The following CDH18 variants were observed in gnomAD, a reference collection of about 807,000 sequenced individuals.
CDH18 encodes the protein cadherin-18.
In CDH18, 31 loss-of-function variants were observed where a neutral mutation model predicts 67.9. That is an observed-to-expected ratio of 0.46 (90% CI 0.34 to 0.62). The LOEUF is 0.62. Ranked by LOEUF, CDH18 falls within the 20% of genes least tolerant of loss-of-function variation. CDH18 has a pLI of 0.01. For missense variants in CDH18, 890 were observed against 975.5 expected, an observed-to-expected ratio of 0.91 and a Z score of 1.17; for synonymous variants, 362 against 347.2, an observed-to-expected ratio of 1.04 and a Z score of -0.48.
chr5:20,050,060 T>A (rs543247900), intron 2 of CDH18, among the ~76,000 whole-genome samples: 1 of 151,446 alleles, frequency 6.6e-6, no homozygotes, highest in East Asian at 2.0e-4. Context: ...CAATAAATAA[T>A]GAATAAAGTT....
chr5:20,498,952 A>T (rs1161392608), intron 1 of CDH18, among the ~76,000 whole-genome samples: 1 of 152,080 alleles, frequency 6.6e-6, no homozygotes, highest in African/African-American at 2.4e-5. Flanking sequence ...AAGCTTTTGT[A>T]TTGAGCTTGT....
Position 19,742,804 on chromosome 5 carries a change from G to T in CDH18, c.523+4138C>A, listed in dbSNP as rs541705056. 2.0e-5 allele frequency among the ~76,000 whole-genome samples: 3 copies of T among 151,946 alleles called. No individual in the cohort carries two copies. In the East Asian group the frequency reaches 5.8e-4, roughly 29 times the overall value. On this transcript the variant is annotated intron_variant, in intron 4 of 12. Coordinates refer to ENST00000382275, the MANE Select transcript of CDH18 (RefSeq NM_004934.5). Reference sequence around the variant, plus strand: ...ATATAAGGAGAGAGATTGTTTTAATGATTCAAAACTGAATTAATGAGTATA... The same window carrying T: ...ATATAAGGAGAGAGATTGTTTTAATTATTCAAAACTGAATTAATGAGTATA...
At chr5:20,202,981 A>T (rs982787427) in intron 2 of CDH18, among the ~76,000 whole-genome samples, 2 of 152,168 alleles carry the variant, frequency 1.3e-5, no homozygotes, top group African/African-American at 2.4e-5. Context: ...GAACTCAAAT[A>T]TGAGGATGAG....
chr5:19,994,257 A>G (rs1800149558), intron 2 of CDH18, among the ~76,000 whole-genome samples: 1 of 148,146 alleles, frequency 6.8e-6, no homozygotes, highest in Non-Finnish European at 1.5e-5. Flanking sequence ...ATACACATAT[A>G]TACACATATA....
rs921836538 is a variant in CDH18, at chr5:19,732,677, A to G, written c.524-11211T>C. On this transcript the variant is annotated intron_variant, in intron 4 of 12. Coordinates refer to ENST00000382275, the MANE Select transcript of CDH18 (RefSeq NM_004934.5). Reference sequence around the variant, plus strand: ...TTCTTAAACAGTTATCTCTCTTGTAAAGTTTAATTGCTCCCACCTAAGATT... The same window carrying G: ...TTCTTAAACAGTTATCTCTCTTGTAGAGTTTAATTGCTCCCACCTAAGATT... Among the ~76,000 whole-genome samples, 5 of 152,112 alleles carry G rather than the reference A, an allele frequency of 3.3e-5. 1 individual carries two copies. The South Asian group carries it at 6.2e-4, about 19-fold the overall frequency.
At chr5:19,622,416 T>G (rs965456311) in intron 5 of CDH18, among the ~76,000 whole-genome samples, 1 of 152,188 alleles carries the variant, frequency 6.6e-6, no homozygotes, top group African/African-American at 2.4e-5. Context: ...CGCTACCATT[T>G]AGAGAAAATG....
At chr5:19,553,418 T>TA (rs201479934) in intron 8 of CDH18, among the ~76,000 whole-genome samples, 3 of 151,252 alleles carry the variant, frequency 2.0e-5, no homozygotes, top group Admixed American at 6.6e-5. Context: ...ATAATAAAAT[T>TA]AAAAAAATAA....
rs62352223 is a variant in CDH18 at position 19,921,329 on chromosome 5, C to T, written c.-257+59731G>A. Among the ~76,000 whole-genome samples, 104 of 151,692 alleles carry T rather than the reference C, an allele frequency of 6.9e-4. No homozygotes were observed. In the South Asian group the frequency reaches 0.019, roughly 28 times the overall value. ...GGCGGATCACGAGGTCAGGAGATTG[C>T]GACTATCCTGGCTAACACAGTGAAA... On this transcript the variant is annotated intron_variant, in intron 2 of 12. Transcript: ENST00000382275.
chr5:20,435,831 A>G (rs180853049), intron 1 of CDH18, among the ~76,000 whole-genome samples: 264 of 152,214 alleles, frequency 1.7e-3, no homozygotes, highest in Non-Finnish European at 3.1e-3. Context: ...AAGATATCAA[A>G]GGTAAAATCA....
rs1190366173 is a variant in CDH18, at chr5:19,894,854, C to T, written c.-256-55612G>A. Among the ~76,000 whole-genome samples the T allele has an allele frequency of 2.0e-5, 3 of 152,102 alleles. No homozygotes were observed. In the East Asian group the frequency reaches 5.8e-4, roughly 29 times the overall value. ...TATGTCACACTTGCCTGAAGAATTTCTTAGGGTCTCAAGAAGAATGATGAG... is the reference window on the plus strand; with the variant it reads ...TATGTCACACTTGCCTGAAGAATTTTTTAGGGTCTCAAGAAGAATGATGAG... On this transcript the variant is annotated intron_variant, in intron 2 of 12. Coordinates refer to ENST00000382275, the MANE Select transcript of CDH18 (RefSeq NM_004934.5).
At chr5:20,053,163 A>G (rs995505383) in intron 2 of CDH18, among the ~76,000 whole-genome samples, 1 of 151,900 alleles carries the variant, frequency 6.6e-6, no homozygotes, top group African/African-American at 2.4e-5. Context: ...GTTAACACAA[A>G]ATTTCTGAAA....
chr5:20,056,784 C>G (rs1442473054), intron 2 of CDH18, among the ~76,000 whole-genome samples: 10 of 147,080 alleles, frequency 6.8e-5, no homozygotes, highest in Admixed American at 2.1e-4. Flanking sequence ...CCCGGGTTCA[C>G]GCCATTCTCC....
intron 3 of CDH18, among the ~76,000 whole-genome samples, chr5:19,800,451 A>G (rs1420442375): frequency 6.6e-6 from 1 of 152,140 alleles, no homozygotes; most frequent in African/African-American, 2.4e-5. Context: ...AGGGAACTCA[A>G]ATTCTCCTCA....
Position 19,483,358 on chromosome 5 carries a change from C to G in CDH18, c.1825G>C (p.Ala609Pro), listed in dbSNP as rs1163628623. ...TCHAEAFLSS[A>P]GLSTGALIAI... ...ATTAAGGCTCCTGTACTCAAACCAGCCGAGGACAGGAAGGCTTCTGCATGG... is the reference window on the plus strand; with the variant it reads ...ATTAAGGCTCCTGTACTCAAACCAGGCGAGGACAGGAAGGCTTCTGCATGG... The change falls in exon 12 of 13, where the codon GCT becomes CCT. Residue 609 changes from alanine to proline, a missense_variant. By Grantham distance (27) the Ala-to-Pro change is conservative. This residue lies in a region of CDH18 where 656 missense variants were observed against 668.1 expected (regional missense o/e 0.98). Coordinates refer to ENST00000382275, the MANE Select transcript of CDH18 (RefSeq NM_004934.5). The G allele has an allele frequency of 6.2e-7, 1 of 1,614,004 alleles. No individual in the cohort carries two copies. Among genetic ancestry groups the G allele is most frequent in the African/African-American group, 1.3e-5 (1 of 75,012 alleles).
At chr5:20,266,002 C>A (rs926570020) in intron 1 of CDH18, among the ~76,000 whole-genome samples, 4 of 152,188 alleles carry the variant, frequency 2.6e-5, no homozygotes, top group African/African-American at 7.2e-5. Context: ...TCTGCTTGAG[C>A]TGGGACATCC....
chr5:19,609,007 A>C (rs1489682144), intron 6 of CDH18, among the ~76,000 whole-genome samples: 1 of 151,988 alleles, frequency 6.6e-6, no homozygotes, highest in Admixed American at 6.6e-5. Flanking sequence ...TTATATGCAT[A>C]TGGTTTGTGC....
chr5:19,680,052 A>G (rs1403468788), intron 5 of CDH18, among the ~76,000 whole-genome samples: 1 of 152,108 alleles, frequency 6.6e-6, no homozygotes, highest in African/African-American at 2.4e-5. Flanking sequence ...CTAAAAGGAT[A>G]AAGTAACCAA....
chr5:20,274,166 G>A (rs373408337), intron 1 of CDH18, among the ~76,000 whole-genome samples: 2 of 152,282 alleles, frequency 1.3e-5, no homozygotes, highest in East Asian at 3.9e-4. Flanking sequence ...ATTGTCTTTA[G>A]AGAGAGCATG....
At chr5:20,152,599 C>T (rs1363282546) in intron 2 of CDH18, among the ~76,000 whole-genome samples, 1 of 152,070 alleles carries the variant, frequency 6.6e-6, no homozygotes, top group East Asian at 1.9e-4. Flanking sequence ...GAAGTTATCT[C>T]CTCACAGAGG....
Sources: allele counts gnomAD v4.1 joint callset (sites outside exome capture counted in the v4.1 genomes callset), GRCh38; gene constraint gnomAD v4.1.1; regional missense constraint gnomAD v4.1.1; transcripts MANE v1.5; gene names NCBI Gene and HGNC (gene_info 2026-07-23, HGNC 2026-07-21).